The following RNGTT variants were observed in gnomAD, a reference collection of about 807,000 sequenced individuals.
The protein encoded by RNGTT is RNA guanylyltransferase and 5'-phosphatase, also known as mRNA-capping enzyme.
In RNGTT, 33 loss-of-function variants were observed where a neutral mutation model predicts 79.3. The ratio of observed to expected loss-of-function variants is 0.42; its 90% CI spans 0.32 to 0.56. RNGTT has a LOEUF of 0.56. Among genes scored for constraint, RNGTT ranks in the 20% least tolerant of loss-of-function variants. RNGTT has a pLI of 0.17. For missense variants in RNGTT, 497 were observed against 739.1 expected (o/e 0.67, Z 3.80); for synonymous variants, 222 against 235.9 (o/e 0.94, Z 0.54).
At chr6:88,644,549 A>C (rs922929404) in intron 14 of RNGTT, among the ~76,000 whole-genome samples, 19 of 152,108 alleles carry the variant, frequency 1.2e-4, no homozygotes, top group African/African-American at 4.6e-4. Flanking sequence ...GACACAACAA[A>C]AAAAGAGAAT....
At chr6:88,741,299 C>T (rs1777483286) in intron 13 of RNGTT, among the ~76,000 whole-genome samples, 1 of 152,142 alleles carries the variant, frequency 6.6e-6, no homozygotes, top group South Asian at 2.1e-4. Flanking sequence ...TTTGCAGCGA[C>T]ATGGATATTG....
intron 11 of RNGTT, among the ~76,000 whole-genome samples, chr6:88,802,317 T>TTTCCAA (rs200739293): frequency 0.014 from 2,140 of 152,322 alleles, 46 homozygotes; most frequent in African/African-American, 0.048. Flanking sequence ...AGAATTTCAT[T>TTTCCAA]GCAAAGAATA....
intron 13 of RNGTT, among the ~76,000 whole-genome samples, chr6:88,718,162 G>A (rs1582377202): frequency 6.6e-6 from 1 of 152,060 alleles, no homozygotes; most frequent in African/African-American, 2.4e-5. Flanking sequence ...GGAGGCAGGC[G>A]GATTACTTGA....
rs188137218 is a variant in RNGTT at position 88,663,483 on chromosome 6, T to A, written c.1506+14870A>T. The stretch of plus-strand genomic sequence containing the variant: ...CCTCACAGTGGCTAAGAGGACAGGC[T>A]GCAGCAGTACTAGTAGCAAAGGGAC... On this transcript the variant is annotated intron_variant, in intron 14 of 15. Coordinates refer to ENST00000369485, the MANE Select transcript of RNGTT (RefSeq NM_003800.5). Among the ~76,000 whole-genome samples, 296 of 152,286 alleles carry A rather than the reference T, an allele frequency of 1.9e-3. 4 individuals are homozygous for A. Among genetic ancestry groups the A allele is most frequent in the African/African-American group, 7.0e-3 (290 of 41,554 alleles).
At chr6:88,637,113 G>C (rs1035771145) in intron 14 of RNGTT, among the ~76,000 whole-genome samples, 3 of 151,950 alleles carry the variant, frequency 2.0e-5, no homozygotes, top group African/African-American at 7.2e-5. Flanking sequence ...GTAGACATGG[G>C]GGGTCTCAAC....
intron 13 of RNGTT, among the ~76,000 whole-genome samples, chr6:88,679,490 A>T (rs1775007382): frequency 6.6e-6 from 1 of 152,226 alleles, no homozygotes; most frequent in South Asian, 2.1e-4. Flanking sequence ...TTTATTTTGC[A>T]CGCAATATGG....
Position 88,678,369 on chromosome 6 carries a change from G to T in RNGTT, c.1490C>A (p.Pro497His). Reference protein sequence around the residue: ...GLLYVGGYERPFAQIKVTKEL... With the variant: ...GLLYVGGYERHFAQIKVTKEL... ...CAAACATACCTTGATTTGTGCAAAG[G>T]GTCTTTCATAACCTCCAACATACAG... Residue 497 changes from proline to histidine, a missense_variant, in exon 14 of 16, where the codon CCC (proline) becomes CAC (histidine). By Grantham distance (77) the Pro-to-His change is moderately conservative. Transcript: ENST00000369485. The T allele has an allele frequency of 6.4e-7, 1 of 1,558,292 alleles. No individual in the cohort carries two copies. Among genetic ancestry groups the T allele is most frequent in the East Asian group, 2.3e-5 (1 of 43,500 alleles).
intron 13 of RNGTT, among the ~76,000 whole-genome samples, chr6:88,749,181 A>G (rs951993574): frequency 1.3e-5 from 2 of 152,218 alleles, no homozygotes; most frequent in Non-Finnish European, 2.9e-5. Flanking sequence ...AAGAAATGTT[A>G]AAGAATGTAA....
At chr6:88,750,924 C>T (rs757481274) in intron 13 of RNGTT, among the ~76,000 whole-genome samples, 5 of 152,058 alleles carry the variant, frequency 3.3e-5, no homozygotes, top group Non-Finnish European at 7.4e-5. Flanking sequence ...AATAGTATAG[C>T]ATTTGGCACA....
intron 13 of RNGTT, among the ~76,000 whole-genome samples, chr6:88,697,845 T>C (rs1181172570): frequency 6.8e-6 from 1 of 148,062 alleles, no homozygotes; most frequent in Non-Finnish European, 1.5e-5. Context: ...CACTCCAGCC[T>C]GGGTGACAGA....
intron 6 of RNGTT, among the ~76,000 whole-genome samples, chr6:88,893,399 C>G (rs1783118534): frequency 6.6e-6 from 1 of 152,012 alleles, no homozygotes; most frequent in Non-Finnish European, 1.5e-5. Flanking sequence ...TTTACATTAA[C>G]TTCTGAAATG....
rs1012478466 is a variant in RNGTT, at chr6:88,700,657, T to G, written c.1440-22238A>C. On this transcript the variant is annotated intron_variant, in intron 13 of 15. Coordinates refer to ENST00000369485, the MANE Select transcript of RNGTT (RefSeq NM_003800.5). Reference sequence around the variant, plus strand: ...GAGAGATGATTCATAAATGGGGATTTCTAGGACCTTTCTGTTCAGGTTGTG... The same window carrying G: ...GAGAGATGATTCATAAATGGGGATTGCTAGGACCTTTCTGTTCAGGTTGTG... 2.6e-5 allele frequency among the ~76,000 whole-genome samples: 4 copies of G among 152,236 alleles called. No individual in the cohort carries two copies. In the East Asian group the frequency reaches 5.8e-4, roughly 22 times the overall value.
intron 8 of RNGTT, among the ~76,000 whole-genome samples, chr6:88,868,165 C>T (rs955772257): frequency 2.3e-4 from 35 of 151,566 alleles, no homozygotes; most frequent in East Asian, 1.2e-3. Flanking sequence ...AAAAAAACAG[C>T]TCTTTTAAGG....
At chr6:88,739,826 A>T (rs931456599) in intron 13 of RNGTT, among the ~76,000 whole-genome samples, 39 of 134,230 alleles carry the variant, frequency 2.9e-4, no homozygotes, top group African/African-American at 9.6e-4. Context: ...TAATTTTATT[A>T]TACCAAGCAA....
intron 11 of RNGTT, among the ~76,000 whole-genome samples, chr6:88,843,932 ATATC>A (rs1304784378): frequency 6.7e-6 from 1 of 149,078 alleles, no homozygotes; most frequent in Non-Finnish European, 1.5e-5. Context: ...GTGTGTATAT[ATATC>A]TATATATATA....
In RNGTT at chr6:88,744,508, C is replaced by G. The variant is rs76475529; in HGVS notation, c.1439+25266G>C. Among the ~76,000 whole-genome samples, 255 of 152,250 alleles carry G rather than the reference C, an allele frequency of 1.7e-3. 1 individual carries two copies. Among genetic ancestry groups the G allele is most frequent in the African/African-American group, 6.0e-3 (248 of 41,536 alleles). ...ATCTCCTGACCTTGTGATCTATGCACCTCAACCTCTCAAAGTGCTGGTATA... is the reference window on the plus strand; with the variant it reads ...ATCTCCTGACCTTGTGATCTATGCAGCTCAACCTCTCAAAGTGCTGGTATA... On this transcript the variant is annotated intron_variant, in intron 13 of 15. Transcript: ENST00000369485.
chr6:88,714,978 G>A (rs1776456945), intron 13 of RNGTT, among the ~76,000 whole-genome samples: 1 of 152,126 alleles, frequency 6.6e-6, no homozygotes. Context: ...AATTAGCCAG[G>A]AGAAGGAAAT....
intron 1 of RNGTT, among the ~76,000 whole-genome samples, chr6:88,955,431 T>G (rs1423868739): frequency 6.6e-6 from 1 of 150,908 alleles, no homozygotes; most frequent in Non-Finnish European, 1.5e-5. Context: ...GCGCCTGTAA[T>G]CCTAGCTGCT....
intron 13 of RNGTT, among the ~76,000 whole-genome samples, chr6:88,705,455 T>A (rs1272035779): frequency 6.6e-6 from 1 of 152,132 alleles, no homozygotes; most frequent in Non-Finnish European, 1.5e-5. Context: ...AACTGACAGC[T>A]AAAGTTCTGA....
Sources: gnomAD v4.1 joint callset for allele counts (sites outside exome capture counted in the v4.1 genomes callset) on GRCh38, gnomAD v4.1.1 for gene constraint, MANE v1.5 for transcripts, NCBI Gene and HGNC (gene_info 2026-07-23, HGNC 2026-07-21) for gene names.